Variants in PECAM1 observed in about 807,000 individuals in gnomAD.
PECAM1 encodes platelet endothelial cell adhesion molecule.
A neutral mutation model predicts 13.8 loss-of-function variants in PECAM1; 8 were observed. The ratio of observed to expected loss-of-function variants is 0.58; its 90% CI spans 0.34 to 1.05. The LOEUF (loss-of-function observed/expected upper bound fraction) is 1.05. PECAM1 is among the 50% of genes least tolerant of loss of function. The probability of loss-of-function intolerance (pLI) is 0.03; values close to 1 mark genes in which losing one functional copy is unlikely to be tolerated. For synonymous variants in PECAM1, 136 were observed against 52.6 expected (o/e 2.58, Z -6.86); for missense variants, 304 against 141.2 (o/e 2.15, Z -5.84).
At position 64,357,251 on chromosome 17, in the gene PECAM1, C is replaced by T. The variant is rs1312930175; in HGVS notation, c.1493-853G>A. On this transcript the variant is annotated intron_variant, in intron 7 of 15. Transcript: ENST00000563924. ...TCCTCAGTTTTCCATCCCCATTCTCCTCCTGGGTGATTTCACCTACACGCT... is the reference window on the plus strand; with the variant it reads ...TCCTCAGTTTTCCATCCCCATTCTCTTCCTGGGTGATTTCACCTACACGCT... Among the ~76,000 whole-genome samples, 3 of 152,160 alleles carry T rather than the reference C, an allele frequency of 2.0e-5. No individual in the cohort carries two copies. In the South Asian group the frequency reaches 6.2e-4, roughly 32 times the overall value.
At chr17:64,348,407 CTTTT>C (rs869282884) in intron 12 of PECAM1, 85 bp from the exon 13 acceptor site, 854 of 293,998 alleles carry the variant, frequency 2.9e-3, no homozygotes, top group Middle Eastern at 5.4e-3. Flanking sequence ...ACTTTCTTTT[CTTTT>C]TTTTTTTTTT....
intron 12 of PECAM1, among the ~76,000 whole-genome samples, 173 bp downstream of exon 12, chr17:64,350,207 G>T (rs1193173640): frequency 6.6e-6 from 1 of 152,160 alleles, no homozygotes; most frequent in Non-Finnish European, 1.5e-5. Flanking sequence ...ACACTAGATA[G>T]CATCTCTGGT....
At chr17:64,328,862 G>A (rs1424367743) in intron 15 of PECAM1, among the ~76,000 whole-genome samples, 2 of 152,188 alleles carry the variant, frequency 1.3e-5, no homozygotes, top group Admixed American at 6.5e-5. Context: ...TGGAAGACAC[G>A]TCTTTGCAAA....
At chr17:64,333,943 CAA>C (rs869179014) in intron 14 of PECAM1, among the ~76,000 whole-genome samples, 2 of 69,610 alleles carry the variant, frequency 2.9e-5, no homozygotes, top group African/African-American at 5.5e-5. Flanking sequence ...GACCCTGTCT[CAA>C]AAAAAAAAAA....
chr17:64,389,997 G>A (rs1478550629), intron 2 of PECAM1, among the ~76,000 whole-genome samples: 3 of 151,758 alleles, frequency 2.0e-5, no homozygotes, highest in Admixed American at 6.6e-5. Flanking sequence ...GCAGAGAGCC[G>A]GGATTGCACC....
Position 64,356,228 on chromosome 17 carries a change from C to T in PECAM1, c.1663G>A (p.Ala555Thr). ...FYQMTSNATQ[A>T]FWTKQKASKE... Reference sequence around the variant, plus strand: ...CTAGCCTTCTGCTTGGTCCAAAATGCCTGGGTGGCATTTGAGGTCATTTGA... The same window carrying T: ...CTAGCCTTCTGCTTGGTCCAAAATGTCTGGGTGGCATTTGAGGTCATTTGA... The change falls in exon 8 of 16, where the codon GCA becomes ACA. Residue 555 changes from alanine (A) to threonine (T), a missense_variant. Coordinates refer to ENST00000563924, the MANE Select transcript of PECAM1 (RefSeq NM_000442.5). The T allele has an allele frequency of 2.1e-6, 1 of 474,874 alleles. No individual in the cohort carries two copies. The highest frequency in any genetic ancestry group is 3.9e-6 in the Non-Finnish European group (1 of 259,000). The allele number at this position is 474,874 out of a possible 1,614,324, so 29.4% of individuals were successfully genotyped here.
At chr17:64,331,103 G>A (rs888234454) in intron 14 of PECAM1, among the ~76,000 whole-genome samples, 1 of 152,108 alleles carries the variant, frequency 6.6e-6, no homozygotes, top group Admixed American at 6.6e-5. Flanking sequence ...AGAGGAGGAG[G>A]CAGAAGCATT....
intron 2 of PECAM1, among the ~76,000 whole-genome samples, chr17:64,382,805 G>C (rs1453455434): frequency 3.9e-5 from 6 of 151,976 alleles, no homozygotes; most frequent in African/African-American, 1.5e-4. Context: ...GGGAGGCTGA[G>C]CTGGGCAGAT....
At chr17:64,363,040 TCTTACC>T in intron 6 of PECAM1, 103 bp downstream of exon 6, 1 of 467,174 alleles carries the variant, frequency 2.1e-6, no homozygotes, top group Non-Finnish European at 3.9e-6. Flanking sequence ...TCCCTCTAGT[TCTTACC>T]CTGCCTGAGT....
At chr17:64,342,394 G>T (rs1265198530) in intron 13 of PECAM1, among the ~76,000 whole-genome samples, 1 of 152,180 alleles carries the variant, frequency 6.6e-6, no homozygotes, top group East Asian at 1.9e-4. Flanking sequence ...TCAACGCAGG[G>T]TTGGGCTATG....
intron 11 of PECAM1, among the ~76,000 whole-genome samples, chr17:64,351,363 C>T (rs2143775644): frequency 6.6e-6 from 1 of 152,214 alleles, no homozygotes; most frequent in African/African-American, 2.4e-5. Flanking sequence ...CTAAAAATTT[C>T]TTATTTTGTG....
intron 13 of PECAM1, among the ~76,000 whole-genome samples, chr17:64,344,620 G>A (rs917916565): frequency 4.0e-4 from 61 of 152,066 alleles, no homozygotes; most frequent in African/African-American, 1.3e-3. Flanking sequence ...TTGAGAGCAG[G>A]GAACTGGCTT....
chr17:64,363,974 A>C (rs1264344268), intron 5 of PECAM1, among the ~76,000 whole-genome samples: 1 of 152,198 alleles, frequency 6.6e-6, no homozygotes, highest in African/African-American at 2.4e-5. Flanking sequence ...AACTAAAATC[A>C]GAGCAGAACT....
chr17:64,362,952 G>C (rs967155426), intron 6 of PECAM1, among the ~76,000 whole-genome samples, 197 bp downstream of exon 6: 4 of 152,146 alleles, frequency 2.6e-5, no homozygotes, highest in Non-Finnish European at 4.4e-5. Context: ...CAAGTCAGAG[G>C]CCACATCATC....
At chr17:64,371,409 C>T (rs1449059731) in intron 4 of PECAM1, among the ~76,000 whole-genome samples, 6 of 152,150 alleles carry the variant, frequency 3.9e-5, no homozygotes, top group Non-Finnish European at 7.4e-5. Flanking sequence ...CGGTGGCTCA[C>T]GCCTGCAACT....
intron 14 of PECAM1, among the ~76,000 whole-genome samples, chr17:64,333,965 A>AG: frequency 7.1e-6 from 1 of 140,400 alleles, no homozygotes; most frequent in Non-Finnish European, 1.6e-5. Context: ...AAAAAAAAAA[A>AG]GGTGGAAAAA....
intron 8 of PECAM1, among the ~76,000 whole-genome samples, chr17:64,355,557 T>C (rs2035827333): frequency 6.6e-6 from 1 of 152,196 alleles, no homozygotes; most frequent in Non-Finnish European, 1.5e-5. Context: ...CCTCCTGGGT[T>C]CAAGTGATTC....
At chr17:64,360,992 C>A (rs2035962542) in intron 6 of PECAM1, among the ~76,000 whole-genome samples, 1 of 150,430 alleles carries the variant, frequency 6.6e-6, no homozygotes, top group Admixed American at 6.7e-5. Context: ...CTGGCTAATT[C>A]TTTATTTTTT....
chr17:64,369,236 G>A (rs2143844095), intron 5 of PECAM1, among the ~76,000 whole-genome samples: 1 of 152,200 alleles, frequency 6.6e-6, no homozygotes, highest in South Asian at 2.1e-4. Context: ...GCCCAGCCAT[G>A]TTATCATTAT....
Sources: gnomAD v4.1 joint callset for allele counts (sites outside exome capture counted in the v4.1 genomes callset) on GRCh38, gnomAD v4.1.1 for gene constraint, MANE v1.5 for transcripts, NCBI Gene and HGNC (gene_info 2026-07-23, HGNC 2026-07-21) for gene names.